PUDP: variants seen among roughly 807,000 people sequenced by gnomAD.
PUDP encodes the protein pseudouridine-5'-phosphatase.
In PUDP, 8 loss-of-function variants were observed where a neutral mutation model predicts 9.4. That is an observed-to-expected ratio of 0.85 (90% confidence interval 0.50 to 1.53). The LOEUF (loss-of-function observed/expected upper bound fraction) is 1.53, where lower values mean the gene tolerates loss of function less well. Ranked by LOEUF, PUDP falls within the 40% of genes most tolerant of loss-of-function variation. The probability of loss-of-function intolerance (pLI) is 0.00; values close to 1 mark genes in which losing one functional copy is unlikely to be tolerated. For synonymous variants in PUDP, 99 were observed against 80.7 expected, an observed-to-expected ratio of 1.23 and a Z score of -1.22; for missense variants, 188 against 189.7, an observed-to-expected ratio of 0.99 and a Z score of 0.05.
At chrX:7,013,690 C>T (rs1464733089) in intron 1 of PUDP, among the ~76,000 whole-genome samples, 4 of 112,018 alleles carry the variant, frequency 3.6e-5, no homozygotes, top group Admixed American at 9.4e-5. Flanking sequence ...CGCTCAAACC[C>T]CTGATGGGAG....
chrX:6,931,915 A>C (rs781688891), intron 3 of PUDP, among the ~76,000 whole-genome samples: 35 of 112,072 alleles, frequency 3.1e-4, no homozygotes, highest in Non-Finnish European at 5.5e-4. Context: ...AACCTCTCTA[A>C]TGAGGTTTTG....
intron 3 of PUDP, among the ~76,000 whole-genome samples, chrX:6,879,366 G>T (rs1003410209): frequency 9.0e-6 from 1 of 110,970 alleles, no homozygotes. Context: ...CTTGAATTTT[G>T]TTGTTGTTGT....
chrX:6,729,852 T>C (rs1308037317), intron 3 of PUDP, among the ~76,000 whole-genome samples: 2 of 110,948 alleles, frequency 1.8e-5, no homozygotes, highest in Admixed American at 9.6e-5. Flanking sequence ...GCCCACCTTA[T>C]CTAAAGAAAG....
At chrX:7,077,919 A>G (rs1411140845) in intron 2 of PUDP, among the ~76,000 whole-genome samples, 3 of 112,684 alleles carry the variant, frequency 2.7e-5, no homozygotes, top group Non-Finnish European at 5.6e-5. Context: ...TGTATTCTAC[A>G]GAAAACACTT....
chrX:7,070,870 G>A (rs745845132), intron 3 of PUDP, among the ~76,000 whole-genome samples: 2 of 111,823 alleles, frequency 1.8e-5, no homozygotes, highest in South Asian at 3.8e-4. Context: ...GAGCCATCAC[G>A]CCTGGCCCAA....
intron 3 of PUDP, among the ~76,000 whole-genome samples, chrX:6,732,886 A>G (rs1924826521): frequency 8.9e-6 from 1 of 111,992 alleles, no homozygotes; most frequent in African/African-American, 3.2e-5. Context: ...AACTTTAAAG[A>G]TACATTAGTG....
chrX:6,814,281 T>C (rs989928214), intron 3 of PUDP, among the ~76,000 whole-genome samples: 10 of 111,298 alleles, frequency 9.0e-5, no homozygotes, highest in Non-Finnish European at 1.7e-4. Flanking sequence ...CTTCTATCTC[T>C]TACAATGAAA....
At chrX:6,771,659 AT>A (rs1290362237) in intron 3 of PUDP, among the ~76,000 whole-genome samples, 7 of 112,260 alleles carry the variant, frequency 6.2e-5, no homozygotes, top group African/African-American at 2.3e-4. Flanking sequence ...TGGATCTGAT[AT>A]TGTTCTTCTT....
chrX:7,050,094 T>C lies in PUDP; in HGVS notation c.*202A>G, dbSNP rs911906049. On this transcript the variant is annotated 3_prime_UTR_variant, in exon 4 of 4. Coordinates refer to ENST00000381077, the MANE Select transcript of PUDP (RefSeq NM_012080.5). ...TTCTGGGCTTCGTTTCTGTCTCTACTGTATTTTTTGTCTCAACCGTCAAGT... is the reference window on the plus strand; with the variant it reads ...TTCTGGGCTTCGTTTCTGTCTCTACCGTATTTTTTGTCTCAACCGTCAAGT... 3 of 404,275 alleles carry C rather than the reference T, an allele frequency of 7.4e-6. No individual in the cohort carries two copies. Among genetic ancestry groups the C allele is most frequent in the African/African-American group, 5.0e-5 (2 of 40,005 alleles). 33.3% of individuals were successfully genotyped at this position (404,275 alleles called of 1,213,427 possible). A position where few individuals can be genotyped will look rare whatever the true frequency, so the allele number is the denominator to read the frequency against.
At chrX:6,777,745 T>C (rs1037164618) in intron 3 of PUDP, among the ~76,000 whole-genome samples, 1 of 111,944 alleles carries the variant, frequency 8.9e-6, no homozygotes, top group African/African-American at 3.2e-5. Context: ...ATAGATACAG[T>C]AGCACACTGT....
At chrX:6,962,865 A>G (rs1163649346) in intron 3 of PUDP, among the ~76,000 whole-genome samples, 1 of 112,745 alleles carries the variant, frequency 8.9e-6, no homozygotes, top group Non-Finnish European at 1.9e-5. Context: ...TAACAAATTA[A>G]CACTAGAAAG....
At chrX:6,810,312 C>T (rs1325481063) in intron 3 of PUDP, among the ~76,000 whole-genome samples, 2 of 111,346 alleles carry the variant, frequency 1.8e-5, no homozygotes, top group Admixed American at 9.6e-5. Flanking sequence ...AAAGAAAGCA[C>T]GAGATCTCCG....
At chrX:6,871,099 T>C (rs1243814739) in intron 3 of PUDP, among the ~76,000 whole-genome samples, 1 of 112,082 alleles carries the variant, frequency 8.9e-6, no homozygotes, top group African/African-American at 3.2e-5. Context: ...CCCAAAGAAA[T>C]TGCTGTGTTT....
chrX:6,821,447 AC>A (rs1926340561), intron 3 of PUDP, among the ~76,000 whole-genome samples: 1 of 110,740 alleles, frequency 9.0e-6, no homozygotes. Context: ...CATATCCTGA[AC>A]CCCAGCACTC....
intron 3 of PUDP, among the ~76,000 whole-genome samples, chrX:6,759,403 G>T (rs912719754): frequency 8.0e-5 from 9 of 112,163 alleles, no homozygotes; most frequent in African/African-American, 2.9e-4. Context: ...TCTTACAGCT[G>T]GTTCTCTTGA....
chrX:6,851,914 G>A (rs923343937), intron 3 of PUDP, among the ~76,000 whole-genome samples: 1 of 111,895 alleles, frequency 8.9e-6, no homozygotes, highest in African/African-American at 3.3e-5. Context: ...CCAAGTCTAC[G>A]GTGCCTTAAT....
At chrX:6,994,986 G>A (rs1929231874) in intron 1 of PUDP, among the ~76,000 whole-genome samples, 2 of 110,729 alleles carry the variant, frequency 1.8e-5, no homozygotes, top group Non-Finnish European at 3.8e-5. Context: ...TCAAAATATG[G>A]AAAAAAAGAA....
chrX:6,711,682 T>A (rs1924533979), intron 1 of PUDP, among the ~76,000 whole-genome samples: 2 of 111,296 alleles, frequency 1.8e-5, no homozygotes, highest in Non-Finnish European at 3.8e-5. Context: ...GAGGCCTTCG[T>A]TTTGGGGTAG....
At chrX:6,859,119 CT>C (rs1162253719) in intron 3 of PUDP, among the ~76,000 whole-genome samples, 1 of 111,778 alleles carries the variant, frequency 8.9e-6, no homozygotes, top group Non-Finnish European at 1.9e-5. Context: ...TAAGACATGC[CT>C]TTTCTCCTTC....
Sources: allele counts gnomAD v4.1 joint callset (sites outside exome capture counted in the v4.1 genomes callset), GRCh38; gene constraint gnomAD v4.1.1; transcripts MANE v1.5; gene names NCBI Gene and HGNC (gene_info 2026-07-23, HGNC 2026-07-21).